The following HYCC1 variants were observed in gnomAD, a reference collection of about 807,000 sequenced individuals.
HYCC1 encodes hyccin PI4KA lipid kinase complex subunit 1, also known as hyccin.
chr7:22,961,064 A>T, the HYCC1 span, among the ~76,000 whole-genome samples: 31 of 152,276 alleles, frequency 2.0e-4, no homozygotes, highest in East Asian at 5.6e-3. Context: ...AGAAAATTTA[A>T]AAAAAAATTA....
chr7:22,990,895 T>A, the HYCC1 span, among the ~76,000 whole-genome samples: 6 of 152,234 alleles, frequency 3.9e-5, no homozygotes, highest in Non-Finnish European at 7.3e-5. Flanking sequence ...ATCAATTTCC[T>A]AGAAAAGATT....
chr7:22,915,056 C>A, the HYCC1 span, among the ~76,000 whole-genome samples: 1 of 152,166 alleles, frequency 6.6e-6, no homozygotes, highest in Non-Finnish European at 1.5e-5. Flanking sequence ...AAACTCAGCC[C>A]AGTTCATGGC....
the HYCC1 span, chr7:22,934,419 G>T: frequency 6.6e-6 from 1 of 151,946 alleles, no homozygotes; most frequent in Non-Finnish European, 1.5e-5. Flanking sequence ...TTGCTTCTCT[G>T]ATTCTTAACA....
At chr7:22,917,703 T>A in the HYCC1 span, among the ~76,000 whole-genome samples, 1 of 152,206 alleles carries the variant, frequency 6.6e-6, no homozygotes, top group African/African-American at 2.4e-5. Context: ...CCTTTATTAG[T>A]CAAATCGCCC....
chr7:23,004,310 T>C, the HYCC1 span, among the ~76,000 whole-genome samples: 18 of 152,238 alleles, frequency 1.2e-4, no homozygotes, highest in South Asian at 2.1e-4. Context: ...GGGTTTATTA[T>C]AGAAAAACCA....
At chr7:22,959,911 A>G in the HYCC1 span, among the ~76,000 whole-genome samples, 1 of 152,236 alleles carries the variant, frequency 6.6e-6, no homozygotes, top group Non-Finnish European at 1.5e-5. Context: ...GAGTTCACTG[A>G]GAAATCAGAA....
chr7:22,901,165 A>G, the HYCC1 span, among the ~76,000 whole-genome samples: 1 of 148,192 alleles, frequency 6.7e-6, no homozygotes, highest in Non-Finnish European at 1.5e-5. Flanking sequence ...AGGGGGCAGT[A>G]AGCCATGATT....
the HYCC1 span, among the ~76,000 whole-genome samples, chr7:23,003,319 T>C: frequency 6.6e-6 from 1 of 152,086 alleles, no homozygotes; most frequent in African/African-American, 2.4e-5. Context: ...ATAGCTGACT[T>C]AGGGGATTCA....
chr7:22,949,356 T>A, the HYCC1 span, among the ~76,000 whole-genome samples: 4 of 152,090 alleles, frequency 2.6e-5, no homozygotes, highest in Non-Finnish European at 5.9e-5. Flanking sequence ...TAAAATCTTT[T>A]AACTTCAAAT....
At chr7:22,929,191 C>G in the HYCC1 span, among the ~76,000 whole-genome samples, 1 of 152,128 alleles carries the variant, frequency 6.6e-6, no homozygotes, top group African/African-American at 2.4e-5. Context: ...AAAATTAATT[C>G]AAGATGGATT....
chr7:22,974,976 T>C, the HYCC1 span, among the ~76,000 whole-genome samples: 3 of 152,190 alleles, frequency 2.0e-5, no homozygotes, highest in African/African-American at 7.2e-5. Flanking sequence ...CCACCATGAT[T>C]GTGAGGCTCC....
the HYCC1 span, among the ~76,000 whole-genome samples, chr7:22,933,554 T>C: frequency 6.6e-6 from 1 of 152,214 alleles, no homozygotes; most frequent in African/African-American, 2.4e-5. Context: ...TAAACCTATT[T>C]GTGTCTTGTG....
the HYCC1 span, chr7:22,960,431 A>G: frequency 6.2e-7 from 1 of 1,603,190 alleles, no homozygotes; most frequent in Non-Finnish European, 8.5e-7. Context: ...GAGAAAAAAT[A>G]TAGTTTAAGA....
At chr7:22,993,083 A>C in the HYCC1 span, among the ~76,000 whole-genome samples, 1 of 152,168 alleles carries the variant, frequency 6.6e-6, no homozygotes, top group African/African-American at 2.4e-5. Context: ...ACAGACCCAC[A>C]CATATATGGT....
chr7:22,998,729 G>A, the HYCC1 span, among the ~76,000 whole-genome samples: 1 of 152,088 alleles, frequency 6.6e-6, no homozygotes, highest in Admixed American at 6.5e-5. Context: ...ACAGCCTTCT[G>A]GCTCCTGATT....
the HYCC1 span, among the ~76,000 whole-genome samples, chr7:22,971,060 T>C: frequency 6.6e-6 from 1 of 151,970 alleles, no homozygotes; most frequent in Non-Finnish European, 1.5e-5. Context: ...AATGTGTAAG[T>C]GAGAAAAACT....
At chr7:22,903,280 C>A in the HYCC1 span, among the ~76,000 whole-genome samples, 2 of 151,896 alleles carry the variant, frequency 1.3e-5, no homozygotes, top group East Asian at 3.9e-4. Context: ...ATGTTCATAA[C>A]AGCTTTATTT....
At chr7:22,952,047 CT>C in the HYCC1 span, among the ~76,000 whole-genome samples, 1 of 152,100 alleles carries the variant, frequency 6.6e-6, no homozygotes, top group South Asian at 2.1e-4. Context: ...CATTCACTCA[CT>C]TATTCATGCA....
At chr7:22,967,923 C>T in the HYCC1 span, among the ~76,000 whole-genome samples, 8 of 152,204 alleles carry the variant, frequency 5.3e-5, no homozygotes, top group African/African-American at 1.7e-4. Flanking sequence ...TTTTGTCTGC[C>T]ATGCCACCAT....
Sources: gnomAD v4.1 joint callset for allele counts (sites outside exome capture counted in the v4.1 genomes callset) on GRCh38, gnomAD v4.1.1 for gene constraint, MANE v1.5 for transcripts, NCBI Gene and HGNC (gene_info 2026-07-23, HGNC 2026-07-21) for gene names.